Variants in SLC37A3 observed in about 807,000 individuals in gnomAD.
SLC37A3 encodes sugar phosphate exchanger 3.
SLC37A3 carries 51 observed loss-of-function variants against 67.1 expected under a neutral mutation model. The observed-to-expected ratio is 0.76, with a 90% confidence interval of 0.61 to 0.96. SLC37A3 has a LOEUF of 0.96. Among genes scored for constraint, SLC37A3 ranks in the 40% least tolerant of loss-of-function variants. SLC37A3 has a pLI of 0.00. For missense variants in SLC37A3, 508 were observed against 603.0 expected, an observed-to-expected ratio of 0.84 and a Z score of 1.65; for synonymous variants, 214 against 231.4, an observed-to-expected ratio of 0.92 and a Z score of 0.68.
chr7:140,396,287 G>C (rs987200882), intron 1 of SLC37A3, among the ~76,000 whole-genome samples: 1 of 151,996 alleles, frequency 6.6e-6, no homozygotes, highest in African/African-American at 2.4e-5. Flanking sequence ...GCCTCCCAAA[G>C]CCCTAGGATT....
chr7:140,381,366 A>T (rs138318121), intron 2 of SLC37A3, among the ~76,000 whole-genome samples: 232 of 151,844 alleles, frequency 1.5e-3, no homozygotes, highest in Middle Eastern at 6.8e-3. Context: ...ATAATAATAA[A>T]AAATAATAAT....
chr7:140,390,347 T>C lies in SLC37A3; in HGVS notation c.-70-7751A>G, dbSNP rs557285599. Among the ~76,000 whole-genome samples, 4 of 152,084 alleles carry C rather than the reference T, an allele frequency of 2.6e-5. No homozygotes were observed. In the South Asian group the frequency reaches 8.3e-4, roughly 32 times the overall value. The stretch of plus-strand genomic sequence containing the variant: ...GTATCTTTCCTCTCTAGAAACCTAG[T>C]TACATGGTTAGCAGGCACTATATCC... On this transcript the variant is annotated intron_variant, in intron 1 of 14. Transcript: ENST00000326232.
At chr7:140,343,735 T>A (rs59068521) in intron 12 of SLC37A3, 172 bp from the exon 13 acceptor site, 178,911 of 621,750 alleles carry the variant, frequency 0.29, 28,293 homozygotes, top group Middle Eastern at 0.38. Flanking sequence ...ACATCCACGT[T>A]CCTGAAATCC....
At chr7:140,383,403 C>G (rs993743132) in intron 1 of SLC37A3, among the ~76,000 whole-genome samples, 3 of 152,028 alleles carry the variant, frequency 2.0e-5, no homozygotes, top group Non-Finnish European at 2.9e-5. Context: ...TCCAGGAGTT[C>G]GAGGTTACAG....
intron 3 of SLC37A3, chr7:140,379,395 A>G (rs1226389206): frequency 1.3e-5 from 2 of 151,896 alleles, no homozygotes; most frequent in Non-Finnish European, 2.9e-5. Context: ...AAATGGTGTG[A>G]ACCTGGGAGG....
At chr7:140,391,607 C>A (rs1254624450) in intron 1 of SLC37A3, among the ~76,000 whole-genome samples, 4 of 152,274 alleles carry the variant, frequency 2.6e-5, no homozygotes, top group African/African-American at 9.6e-5. Context: ...CCCTCCAAAT[C>A]TATCCCTCCC....
chr7:140,347,396 G>A (rs564344775), intron 10 of SLC37A3, among the ~76,000 whole-genome samples: 286 of 152,306 alleles, frequency 1.9e-3, no homozygotes, highest in African/African-American at 6.4e-3. Context: ...ACCATTCTGA[G>A]TTGTAGGGGC....
chr7:140,351,299 C>T lies in SLC37A3; in HGVS notation c.856G>A (p.Ala286Thr). 8.7e-6 allele frequency: 14 copies of T among 1,614,028 alleles called. No homozygotes were observed. Among genetic ancestry groups the T allele is most frequent in the Non-Finnish European group, 1.2e-5 (14 of 1,179,960 alleles). Residue 286 changes from alanine to threonine, a missense_variant, in exon 9 of 15, where the codon GCA becomes ACA. Transcript: ENST00000326232. ...AQVKAISFYQ[A>T]CCLPGVIPYS... ...GGTATGACTCCAGGAAGGCAACATG[C>T]CTGGTAGAAGCTTATCGCCTTGACT... is the stretch of plus-strand genomic sequence containing the variant.
At position 140,335,403 on chromosome 7, in the gene SLC37A3, G is replaced by A. The variant is rs754311341; in HGVS notation, c.*9C>T. The A allele has an allele frequency of 2.7e-5, 44 of 1,613,970 alleles. No individual in the cohort carries two copies. Among genetic ancestry groups the A allele is most frequent in the Non-Finnish European group, 3.6e-5 (42 of 1,180,038 alleles). On this transcript the variant is annotated 3_prime_UTR_variant, in exon 15 of 15. Coordinates refer to ENST00000326232, the MANE Select transcript of SLC37A3 (RefSeq NM_207113.3). ...GCTGACATTGTTCTTTCTGTCTCGC[G>A]GGCACCGGTCACTCCCTCAATATGT...
intron 1 of SLC37A3, among the ~76,000 whole-genome samples, chr7:140,388,529 T>C (rs1798598630): frequency 6.6e-6 from 1 of 151,010 alleles, no homozygotes; most frequent in South Asian, 2.1e-4. Context: ...CAGAAAACCA[T>C]TGGCCAGGCA....
At chr7:140,387,148 C>T (rs931409899) in intron 1 of SLC37A3, among the ~76,000 whole-genome samples, 1 of 151,950 alleles carries the variant, frequency 6.6e-6, no homozygotes, top group African/African-American at 2.4e-5. Context: ...TTTTCAAAAT[C>T]GAGTACATTG....
chr7:140,351,339 A>G lies in SLC37A3; in HGVS notation c.816T>C (p.Asp272=), dbSNP rs1331520196. 1 of 1,614,152 alleles carries G rather than the reference A, an allele frequency of 6.2e-7. No individual in the cohort carries two copies. The highest frequency in any genetic ancestry group is 1.3e-5 in the African/African-American group (1 of 75,048). Residue 272 remains aspartate, a synonymous_variant, in exon 9 of 15, where the codon GAT becomes GAC. Coordinates refer to ENST00000326232, the MANE Select transcript of SLC37A3 (RefSeq NM_207113.3). ...EYEPNYSIQD[D]SSVAQVKAIS... is the part of the protein sequence containing the mutation. The stretch of plus-strand genomic sequence containing the variant: ...TCGCCTTGACTTGGGCAACAGAACT[A>G]TCATCTTGGATTGAATAATTCGGCT...
intron 3 of SLC37A3, among the ~76,000 whole-genome samples, chr7:140,374,407 G>A (rs953213135): frequency 1.3e-5 from 2 of 150,220 alleles, no homozygotes; most frequent in East Asian, 2.0e-4. Context: ...TGAGACGGGA[G>A]AATCACTTGA....
chr7:140,359,305 T>C (rs1035442839), intron 5 of SLC37A3, among the ~76,000 whole-genome samples: 13 of 148,884 alleles, frequency 8.7e-5, no homozygotes, highest in Admixed American at 7.5e-4. Flanking sequence ...ATCGTGCCAC[T>C]GCACTCCAGC....
chr7:140,368,239 C>T (rs1301525823), intron 4 of SLC37A3, among the ~76,000 whole-genome samples: 4 of 152,162 alleles, frequency 2.6e-5, no homozygotes, highest in African/African-American at 7.2e-5. Flanking sequence ...GATCAATTCA[C>T]GCAGCCTCAC....
At chr7:140,377,776 G>C (rs937034839) in intron 3 of SLC37A3, among the ~76,000 whole-genome samples, 4 of 152,128 alleles carry the variant, frequency 2.6e-5, no homozygotes, top group Non-Finnish European at 5.9e-5. Flanking sequence ...TACACCTGTA[G>C]TCCCAGCTAC....
Position 140,335,284 on chromosome 7 carries a change from AG to A in SLC37A3, c.*127del. ...CTGGTCAGCATCTCAGGTGGCTGGC[AG>A]TGTTGAGAGACGCCTGACAATCCAA... On this transcript the variant is annotated 3_prime_UTR_variant, in exon 15 of 15. Transcript: ENST00000326232. 6.2e-7 allele frequency: 1 copy of A among 1,614,114 alleles called. No homozygotes were observed. The highest frequency in any genetic ancestry group is 1.6e-4 in the Middle Eastern group (1 of 6,062).
intron 1 of SLC37A3, among the ~76,000 whole-genome samples, chr7:140,394,727 G>C (rs1261543159): frequency 6.6e-6 from 1 of 151,332 alleles, no homozygotes. Flanking sequence ...TTCTGCCTCA[G>C]CCTCTTGAGT....
intron 3 of SLC37A3, among the ~76,000 whole-genome samples, chr7:140,370,163 TTTTATTATTTTTAATTGACACA>T (rs1797767556): frequency 6.6e-6 from 1 of 150,850 alleles, no homozygotes; most frequent in East Asian, 1.9e-4. Context: ...TTTTTTTTGC[TTTTATTATTTTTAATTGACACA>T]TAGTAATTGT....
Sources: gnomAD v4.1 joint callset for allele counts (sites outside exome capture counted in the v4.1 genomes callset) on GRCh38, gnomAD v4.1.1 for gene constraint, MANE v1.5 for transcripts, NCBI Gene and HGNC (gene_info 2026-07-23, HGNC 2026-07-21) for gene names.